CALCOCO2: variants seen among roughly 807,000 people sequenced by gnomAD.
CALCOCO2 encodes the protein calcium binding and coiled-coil domain 2, also known as calcium-binding and coiled-coil domain-containing protein 2.
In CALCOCO2, 42 loss-of-function variants were observed where a neutral mutation model predicts 62.5. The observed-to-expected ratio is 0.67, with a 90% CI of 0.53 to 0.87. The LOEUF is 0.87. Ranked by LOEUF, CALCOCO2 falls within the 40% of genes least tolerant of loss-of-function variation. The pLI is 0.00. For missense variants in CALCOCO2, 456 were observed against 515.0 expected (o/e 0.89, Z 1.11); for synonymous variants, 167 against 173.0 (o/e 0.97, Z 0.27).
At chr17:48,836,867 A>C (rs1291599426) in intron 1 of CALCOCO2, among the ~76,000 whole-genome samples, 1 of 149,264 alleles carries the variant, frequency 6.7e-6, no homozygotes, top group Non-Finnish European at 1.5e-5. Context: ...GGTTCAAGCT[A>C]TTCTGCCTCA....
At chr17:48,833,370 C>A (rs2039843098) in intron 1 of CALCOCO2, among the ~76,000 whole-genome samples, 1 of 151,894 alleles carries the variant, frequency 6.6e-6, no homozygotes, top group Admixed American at 6.6e-5. Flanking sequence ...ACTTGGCCAA[C>A]ATAGTGAAAC....
In CALCOCO2 at chr17:48,848,437, C is replaced by A. The variant is rs2040082751; in HGVS notation, c.399C>A (p.Ile133=). 2 of 1,613,842 alleles carry A rather than the reference C, an allele frequency of 1.2e-6. No individual in the cohort carries two copies. The highest frequency in any genetic ancestry group is 1.7e-5 in the Admixed American group (1 of 59,970). Residue 133 remains isoleucine, a synonymous_variant, in exon 4 of 13, where the codon ATC becomes ATA. Transcript: ENST00000258947. ...FQFRPENEED[I]LVVTTQGEVE... ...TCCGTCCAGAAAATGAGGAAGACAT[C>A]CTGGTTGTTACCACTCAGGTTTGTA...
chr17:48,864,274 G>A lies in CALCOCO2; in HGVS notation c.*1269G>A, dbSNP rs957866098. On this transcript the variant is annotated 3_prime_UTR_variant, in exon 13 of 13. Transcript: ENST00000258947. Reference sequence around the variant, plus strand: ...AGACAGGGTTTCACTATGTTGGCCAGGCTGGTCTCGAACTCCTGGCCTCAC... The same window carrying A: ...AGACAGGGTTTCACTATGTTGGCCAAGCTGGTCTCGAACTCCTGGCCTCAC... 1.1e-4 allele frequency: 17 copies of A among 152,360 alleles called. No homozygotes were observed. The highest frequency in any genetic ancestry group is 4.1e-4 in the African/African-American group (17 of 41,382). The allele number at this position is 152,360 out of a possible 1,614,324, so 9.4% of individuals were successfully genotyped here. A position where few individuals can be genotyped will look rare whatever the true frequency, so the allele number is the denominator to read the frequency against.
intron 2 of CALCOCO2, among the ~76,000 whole-genome samples, chr17:48,844,717 C>G (rs955303689): frequency 3.3e-5 from 5 of 152,178 alleles, no homozygotes; most frequent in African/African-American, 1.2e-4. Context: ...AGGGTTTCAT[C>G]ACGTTGGCCA....
At chr17:48,858,853 G>A (rs1012718942) in intron 10 of CALCOCO2, among the ~76,000 whole-genome samples, 1 of 151,608 alleles carries the variant, frequency 6.6e-6, no homozygotes, top group East Asian at 2.0e-4. Flanking sequence ...AGGAGTTCAA[G>A]ACCAGCCTGG....
chr17:48,862,248 T>G, intron 11 of CALCOCO2, 28 bp from the exon 12 acceptor site: 1 of 1,499,266 alleles, frequency 6.7e-7, no homozygotes, highest in Non-Finnish European at 9.3e-7. Context: ...ATTTTCTCAT[T>G]GAATGAGATC....
chr17:48,855,934 A>G (rs2040208550), intron 9 of CALCOCO2, 158 bp from the exon 10 acceptor site: 1 of 374,292 alleles, frequency 2.7e-6, no homozygotes, highest in East Asian at 3.8e-5. Context: ...AAGTCACTTT[A>G]ATTTAGCACC....
At chr17:48,857,996 A>AT (rs1244735914) in intron 10 of CALCOCO2, among the ~76,000 whole-genome samples, 111 of 19,878 alleles carry the variant, frequency 5.6e-3, no homozygotes, top group Non-Finnish European at 0.011. Flanking sequence ...ATAGAATAGA[A>AT]TAGAATAGAA....
intron 7 of CALCOCO2, 146 bp from the exon 8 acceptor site, chr17:48,852,360 A>G (rs575603752): frequency 1.5e-6 from 1 of 652,620 alleles, no homozygotes; most frequent in African/African-American, 1.8e-5. Context: ...GAGGTGCTTT[A>G]AAGAGTGATT....
intron 12 of CALCOCO2, 47 bp from the exon 13 acceptor site, chr17:48,862,791 C>T (rs1463705386): frequency 6.5e-7 from 1 of 1,531,706 alleles, no homozygotes; most frequent in East Asian, 2.3e-5. Context: ...CACATCTGTG[C>T]CACATATAGC....
At chr17:48,857,051 C>T (rs1188534012) in intron 10 of CALCOCO2, among the ~76,000 whole-genome samples, 1 of 152,086 alleles carries the variant, frequency 6.6e-6, no homozygotes, top group Admixed American at 6.6e-5. Context: ...ATCCTCCTGC[C>T]TCGGCCTCCC....
intron 7 of CALCOCO2, chr17:48,851,845 T>C: frequency 2.2e-6 from 1 of 457,548 alleles, no homozygotes; most frequent in East Asian, 3.8e-5. Flanking sequence ...AAAATCATGA[T>C]TCACAGCCGG....
chr17:48,852,300 A>C, intron 7 of CALCOCO2: 1 of 499,306 alleles, frequency 2.0e-6, no homozygotes, highest in East Asian at 3.2e-5. Context: ...AGTCTGGAAT[A>C]TAGAGCAGAT....
intron 10 of CALCOCO2, among the ~76,000 whole-genome samples, chr17:48,857,751 G>T (rs1299991373): frequency 1.3e-5 from 2 of 149,222 alleles, no homozygotes; most frequent in African/African-American, 4.9e-5. Context: ...AAGGCAGGTG[G>T]ATCACAAGGT....
chr17:48,835,199 G>C (rs1398520355), intron 1 of CALCOCO2, among the ~76,000 whole-genome samples: 1 of 152,212 alleles, frequency 6.6e-6, no homozygotes, highest in East Asian at 1.9e-4. Flanking sequence ...GAAGACTAAA[G>C]ATTACTGACC....
At chr17:48,839,738 A>G (rs2039951737) in intron 1 of CALCOCO2, among the ~76,000 whole-genome samples, 1 of 125,506 alleles carries the variant, frequency 8.0e-6, no homozygotes, top group Admixed American at 1.0e-4. Flanking sequence ...GTGCAGTGGC[A>G]TGATCTTGGC....
chr17:48,862,932 C>T lies in CALCOCO2; in HGVS notation c.1268C>T (p.Pro423Leu). ...QQMQPLCFNCPICDKIFPATE... is the reference protein window; with the variant it reads ...QQMQPLCFNCLICDKIFPATE... ...ATGCAGCCCCTTTGTTTCAATTGTC[C>T]AATTTGTGACAAGATCTTCCCAGCT... is the stretch of plus-strand genomic sequence containing the variant. The change falls in exon 13 of 13, where the codon CCA becomes CTA. Residue 423 changes from proline to leucine, a missense_variant. Physicochemically the swap from Pro to Leu is moderately conservative, Grantham distance 98. Around this residue, in one of 3 missense-constraint regions of CALCOCO2, gnomAD observed 172 missense variants for 210.3 expected, o/e 0.82. Coordinates refer to ENST00000258947, the MANE Select transcript of CALCOCO2 (RefSeq NM_005831.5). The T allele has an allele frequency of 6.2e-7, 1 of 1,613,500 alleles. No individual in the cohort carries two copies. Among genetic ancestry groups the T allele is most frequent in the East Asian group, 2.2e-5 (1 of 44,878 alleles).
At chr17:48,861,529 C>T (rs535771453) in intron 11 of CALCOCO2, among the ~76,000 whole-genome samples, 8 of 151,668 alleles carry the variant, frequency 5.3e-5, no homozygotes, top group Non-Finnish European at 1.2e-4. Context: ...AGTCTTAAAA[C>T]CTATTCTCAG....
chr17:48,836,554 C>T (rs2039893663), intron 1 of CALCOCO2, among the ~76,000 whole-genome samples: 1 of 152,050 alleles, frequency 6.6e-6, no homozygotes, highest in Non-Finnish European at 1.5e-5. Context: ...ACACCTTAGG[C>T]ATTGTGTTAT....
Sources: allele counts gnomAD v4.1 joint callset (sites outside exome capture counted in the v4.1 genomes callset), GRCh38; gene constraint gnomAD v4.1.1; regional missense constraint gnomAD v4.1.1; transcripts MANE v1.5; gene names NCBI Gene and HGNC (gene_info 2026-07-23, HGNC 2026-07-21).